The following DCAF5 variants were observed in gnomAD, a reference collection of about 807,000 sequenced individuals.
The protein encoded by DCAF5 is DDB1- and CUL4-associated factor 5.
Under a neutral mutation model 80.7 loss-of-function variants are expected in DCAF5, and 9 were observed. The observed-to-expected ratio is 0.11, with a 90% CI of 0.07 to 0.19. DCAF5 has a LOEUF of 0.19. Among genes scored for constraint, DCAF5 ranks in the 10% least tolerant of loss-of-function variants. DCAF5 has a pLI of 1.00. For missense variants in DCAF5, 842 were observed against 1,205.7 expected (o/e 0.70, Z 4.47); for synonymous variants, 433 against 461.9 (o/e 0.94, Z 0.80).
intron 7 of DCAF5, among the ~76,000 whole-genome samples, chr14:69,063,236 T>C (rs911890160): frequency 2.6e-5 from 4 of 152,228 alleles, no homozygotes; most frequent in African/African-American, 7.2e-5. Context: ...GATCATCCTA[T>C]AGGCTTCCTT....
intron 5 of DCAF5, among the ~76,000 whole-genome samples, chr14:69,097,405 A>G (rs140235474): frequency 6.6e-6 from 1 of 152,212 alleles, no homozygotes; most frequent in East Asian, 1.9e-4. Context: ...TTTTTATAGT[A>G]ACCCTTCATA....
intron 7 of DCAF5, among the ~76,000 whole-genome samples, chr14:69,065,604 G>GT (rs545307595): frequency 6.4e-4 from 97 of 152,274 alleles, no homozygotes; most frequent in African/African-American, 2.3e-3. Flanking sequence ...CTTCAGAGAG[G>GT]TTTTTCATAG....
chr14:69,137,020 A>G (rs920075443), intron 1 of DCAF5, among the ~76,000 whole-genome samples: 1 of 152,246 alleles, frequency 6.6e-6, no homozygotes, highest in Admixed American at 6.5e-5. Context: ...GTCATCCTGA[A>G]TAAGTGGAAT....
In DCAF5 at chr14:69,054,489, A is replaced by G; in HGVS notation, c.2197T>C (p.Phe733Leu). ...GGAGTTCTAGGAGTCTCTTCTTTAA[A>G]AGTGTCCTTGCTGCAGCCTTCAGGT... is the stretch of plus-strand genomic sequence containing the variant. Reference protein sequence around the residue: ...LPPEGCSKDTFKEETPRTPSN... With the variant: ...LPPEGCSKDTLKEETPRTPSN... The change falls in exon 9 of 9, where the codon TTT becomes CTT. Residue 733 changes from phenylalanine (F) to leucine (L), a missense_variant. Coordinates refer to ENST00000341516, the MANE Select transcript of DCAF5 (RefSeq NM_003861.3). 6.2e-7 allele frequency: 1 copy of G among 1,614,122 alleles called. No individual in the cohort carries two copies. Among genetic ancestry groups the G allele is most frequent in the Non-Finnish European group, 8.5e-7 (1 of 1,180,026 alleles).
At chr14:69,057,305 C>CT (rs1451418866) in intron 8 of DCAF5, among the ~76,000 whole-genome samples, 1 of 151,540 alleles carries the variant, frequency 6.6e-6, no homozygotes, top group African/African-American at 2.4e-5. Flanking sequence ...AGCTTGGTGG[C>CT]TTAGAAAGGA....
chr14:69,105,944 T>TATATATA lies in DCAF5; in HGVS notation c.665+10421_665+10422insTATATAT, dbSNP rs35270301. Among the ~76,000 whole-genome samples the TATATATA allele has an allele frequency of 1.1e-3, 93 of 85,206 alleles. 13 individuals are homozygous for TATATATA. The Middle Eastern group carries it at 0.04, about 37-fold the overall frequency. The allele number at this position is 85,206 out of a possible 152,430, so 55.9% of individuals were successfully genotyped here. ...ATATATATATATATATATATATATATATCTCCTATTGGTTCTGTTCCTCTG... is the reference window on the plus strand; with the variant it reads ...ATATATATATATATATATATATATATATATATAATCTCCTATTGGTTCTGTTCCTCTG... On this transcript the variant is annotated intron_variant, in intron 5 of 8. Coordinates refer to ENST00000341516, the MANE Select transcript of DCAF5 (RefSeq NM_003861.3).
intron 5 of DCAF5, among the ~76,000 whole-genome samples, chr14:69,106,689 G>GA (rs951578688): frequency 3.2e-4 from 48 of 151,614 alleles, no homozygotes; most frequent in Non-Finnish European, 4.7e-4. Context: ...ACACATATTT[G>GA]AAAAAAAGTC....
chr14:69,077,015 G>T (rs1470050117), intron 6 of DCAF5, among the ~76,000 whole-genome samples: 1 of 152,210 alleles, frequency 6.6e-6, no homozygotes, highest in Non-Finnish European at 1.5e-5. Flanking sequence ...CACTGTGCCA[G>T]ATCTACTCTA....
At chr14:69,102,777 G>T (rs2040009505) in intron 5 of DCAF5, among the ~76,000 whole-genome samples, 1 of 152,086 alleles carries the variant, frequency 6.6e-6, no homozygotes, top group African/African-American at 2.4e-5. Context: ...GGACCTGCCT[G>T]AAGCTGCTTT....
At chr14:69,137,125 G>A (rs1335017486) in intron 1 of DCAF5, among the ~76,000 whole-genome samples, 1 of 152,154 alleles carries the variant, frequency 6.6e-6, no homozygotes, top group Admixed American at 6.5e-5. Context: ...GGCCTATCTT[G>A]TAAGTACCAT....
chr14:69,071,425 G>A (rs1018968460), intron 7 of DCAF5, among the ~76,000 whole-genome samples: 8 of 152,108 alleles, frequency 5.3e-5, no homozygotes, highest in East Asian at 1.9e-4. Context: ...CTCAGCACTC[G>A]GCACGCACAT....
intron 6 of DCAF5, chr14:69,091,048 T>C (rs1207069175): frequency 1.4e-6 from 1 of 737,088 alleles, no homozygotes; most frequent in Middle Eastern, 2.3e-4. Flanking sequence ...GAAGGCCAAG[T>C]ATATTCTTAA....
intron 6 of DCAF5, chr14:69,083,452 A>C: frequency 3.1e-6 from 1 of 323,986 alleles, no homozygotes; most frequent in South Asian, 3.3e-5. Flanking sequence ...GTGGAACCTC[A>C]AACTGCGGCA....
chr14:69,116,312 C>T, intron 5 of DCAF5, 54 bp downstream of exon 5: 2 of 1,578,984 alleles, frequency 1.3e-6, no homozygotes, highest in South Asian at 2.3e-5. Flanking sequence ...GGTCACATTA[C>T]CTGAGAAATG....
At chr14:69,088,201 C>A (rs746790944) in intron 6 of DCAF5, among the ~76,000 whole-genome samples, 1 of 152,182 alleles carries the variant, frequency 6.6e-6, no homozygotes, top group Non-Finnish European at 1.5e-5. Flanking sequence ...CTGTCCGCAA[C>A]AAGTTGTGAT....
rs1032126380 is a variant in DCAF5 at position 69,068,606 on chromosome 14, G to A, written c.947-6095C>T. 4.7e-5 allele frequency among the ~76,000 whole-genome samples: 7 copies of A among 147,732 alleles called. 1 individual carries two copies. In the Admixed American group the frequency reaches 4.8e-4, roughly 10 times the overall value. On this transcript the variant is annotated intron_variant, in intron 7 of 8. Coordinates refer to ENST00000341516, the MANE Select transcript of DCAF5 (RefSeq NM_003861.3). ...CCAGCTACTCAGGAGGCTGAGGCAG[G>A]AAAATAGCTTGAACCTAGGAGACAG...
intron 5 of DCAF5, among the ~76,000 whole-genome samples, chr14:69,094,001 CGACAGGCA>C (rs1037865868): frequency 3.9e-5 from 6 of 152,214 alleles, no homozygotes; most frequent in Admixed American, 3.9e-4. Context: ...GCTGTGGCTG[CGACAGGCA>C]TGTGGTGTTA....
At chr14:69,081,499 T>G (rs2039101066) in intron 6 of DCAF5, among the ~76,000 whole-genome samples, 2 of 152,222 alleles carry the variant, frequency 1.3e-5, no homozygotes, top group African/African-American at 4.8e-5. Context: ...GAATGTTTAC[T>G]GATCTAGACA....
In DCAF5 at chr14:69,126,295, T is replaced by G. The variant is rs558194677; in HGVS notation, c.215-3935A>C. Among the ~76,000 whole-genome samples the G allele has an allele frequency of 1.8e-3, 269 of 151,870 alleles. 1 individual carries two copies. The highest frequency in any genetic ancestry group is 6.4e-3 in the African/African-American group (263 of 41,398). On this transcript the variant is annotated intron_variant, in intron 1 of 8. Coordinates refer to ENST00000341516, the MANE Select transcript of DCAF5 (RefSeq NM_003861.3). ...GCCTCAGCCTCCTGAGTAGCTGGGA[T>G]TACAGACACCCACCACCACGCCCAG...
Sources: allele counts gnomAD v4.1 joint callset (sites outside exome capture counted in the v4.1 genomes callset), GRCh38; gene constraint gnomAD v4.1.1; transcripts MANE v1.5; gene names NCBI Gene and HGNC (gene_info 2026-07-23, HGNC 2026-07-21).